Variants in CPEB3 observed in about 807,000 individuals in gnomAD.
CPEB3 encodes cytoplasmic polyadenylation element-binding protein 3.
Under a neutral mutation model 67.2 loss-of-function variants are expected in CPEB3, and 20 were observed. The ratio of observed to expected loss-of-function variants is 0.30; its 90% CI spans 0.21 to 0.43. CPEB3 has a LOEUF of 0.43. Ranked by LOEUF, CPEB3 falls within the 20% of genes least tolerant of loss-of-function variation. The pLI is 1.00. For missense variants in CPEB3, 746 were observed against 968.6 expected, an observed-to-expected ratio of 0.77 and a Z score of 3.05; for synonymous variants, 376 against 393.1, an observed-to-expected ratio of 0.96 and a Z score of 0.51.
At chr10:92,220,891 A>G (rs2134442510) in intron 2 of CPEB3, among the ~76,000 whole-genome samples, 1 of 152,312 alleles carries the variant, frequency 6.6e-6, no homozygotes, top group Middle Eastern at 3.4e-3. Flanking sequence ...ATAATCTACA[A>G]GTCTAGCATG....
intron 6 of CPEB3, among the ~76,000 whole-genome samples, chr10:92,126,766 T>A (rs1482967169): frequency 1.3e-5 from 2 of 152,220 alleles, no homozygotes; most frequent in Non-Finnish European, 2.9e-5. Context: ...TATAAACTAT[T>A]GGTCTGTCAG....
intron 1 of CPEB3, among the ~76,000 whole-genome samples, chr10:92,240,686 T>G (rs1851804666): frequency 6.6e-6 from 1 of 152,148 alleles, no homozygotes; most frequent in Non-Finnish European, 1.5e-5. Flanking sequence ...TCACCGGAAC[T>G]CAGAGCGTTC....
In CPEB3 at chr10:92,048,037, C is replaced by G. The variant is rs1443230657; in HGVS notation, c.*4175G>C. On this transcript the variant is annotated 3_prime_UTR_variant, in exon 10 of 10. Transcript: ENST00000265997. This position sits in a 1 kb window ranked among gnomAD's most constrained non-coding sequence, Gnocchi z 4.1. ...AGCAGCAGCAGAAAGGCAGACAGATCATGCACGCAGTTGCCACAATGAAAG... is the reference window on the plus strand; with the variant it reads ...AGCAGCAGCAGAAAGGCAGACAGATGATGCACGCAGTTGCCACAATGAAAG... 4 of 152,368 alleles carry G rather than the reference C, an allele frequency of 2.6e-5. No homozygotes were observed. The East Asian group carries it at 7.7e-4, about 29-fold the overall frequency. 9.4% of individuals were successfully genotyped at this position (152,368 alleles called of 1,614,324 possible). A position where few individuals can be genotyped will look rare whatever the true frequency, so the allele number is the denominator to read the frequency against.
chr10:92,274,450 C>A (rs1841886085), intron 1 of CPEB3, among the ~76,000 whole-genome samples: 1 of 152,170 alleles, frequency 6.6e-6, no homozygotes, highest in Non-Finnish European at 1.5e-5. Context: ...TGAATACAAG[C>A]TCTACAAGGG....
chr10:92,144,443 T>C (rs1421064869), intron 5 of CPEB3, among the ~76,000 whole-genome samples: 1 of 152,004 alleles, frequency 6.6e-6, no homozygotes, highest in African/African-American at 2.4e-5. Flanking sequence ...GCTAATCTTG[T>C]TTTGTAGAGA....
chr10:92,198,507 G>A (rs908783333), intron 2 of CPEB3, among the ~76,000 whole-genome samples: 2 of 152,168 alleles, frequency 1.3e-5, no homozygotes, highest in Non-Finnish European at 2.9e-5. Flanking sequence ...TTTCTTGGAA[G>A]AGGAATCCAG....
At chr10:92,285,801 CTT>C (rs915886054) in intron 1 of CPEB3, among the ~76,000 whole-genome samples, 3 of 152,196 alleles carry the variant, frequency 2.0e-5, no homozygotes, top group Non-Finnish European at 2.9e-5. Context: ...ACAAAGCTCT[CTT>C]TAACACACCA....
intron 2 of CPEB3, among the ~76,000 whole-genome samples, chr10:92,194,466 G>A (rs1849134468): frequency 6.6e-6 from 1 of 151,852 alleles, no homozygotes; most frequent in Admixed American, 6.6e-5. Flanking sequence ...TGTGTTCTAA[G>A]TTGTATTCAT....
chr10:92,278,161 G>A lies in CPEB3; in HGVS notation c.-12+12765C>T, dbSNP rs541452808. ...GATTGCGCCACTGCACTCCAGCCTG[G>A]GCGACAGAGCAAGGCTCCATCTCAA... On this transcript the variant is annotated intron_variant, in intron 1 of 9. Transcript: ENST00000265997. Among the ~76,000 whole-genome samples the A allele has an allele frequency of 9.2e-5, 14 of 151,958 alleles. No individual in the cohort carries two copies. The South Asian group carries it at 2.7e-3, about 29-fold the overall frequency.
intron 2 of CPEB3, among the ~76,000 whole-genome samples, chr10:92,209,170 T>A (rs1849945329): frequency 6.6e-6 from 1 of 152,186 alleles, no homozygotes; most frequent in Admixed American, 6.5e-5. Flanking sequence ...ATAAAGCTGT[T>A]ATTTAAAAAA....
intron 4 of CPEB3, among the ~76,000 whole-genome samples, chr10:92,155,446 T>C (rs186333475): frequency 2.2e-4 from 34 of 152,320 alleles, no homozygotes; most frequent in Admixed American, 1.6e-3. Flanking sequence ...AAGTATACTA[T>C]GCAGAGTTGG....
At chr10:92,136,173 A>C (rs1488759329) in intron 6 of CPEB3, among the ~76,000 whole-genome samples, 1 of 151,938 alleles carries the variant, frequency 6.6e-6, no homozygotes, top group African/African-American at 2.4e-5. Context: ...TAAAAAAAAA[A>C]CTTCAAATTA....
rs754423428 is a variant in CPEB3 at position 92,217,248 on chromosome 10, T to TACAC, written c.1005+22094_1005+22097dup. Among the ~76,000 whole-genome samples the TACAC allele has an allele frequency of 2.4e-3, 308 of 127,268 alleles. 1 individual carries two copies. Among genetic ancestry groups the TACAC allele is most frequent in the African/African-American group, 6.1e-3 (193 of 31,562 alleles). 83.5% of individuals were successfully genotyped at this position (127,268 alleles called of 152,430 possible). The stretch of plus-strand genomic sequence containing the variant: ...AAAAAAAAAAAATTATATATATATA[T>TACAC]ACACACACACACACACACACACACA... On this transcript the variant is annotated intron_variant, in intron 2 of 9. Coordinates refer to ENST00000265997, the MANE Select transcript of CPEB3 (RefSeq NM_014912.5).
intron 4 of CPEB3, among the ~76,000 whole-genome samples, chr10:92,176,328 T>C (rs920141215): frequency 2.7e-4 from 41 of 152,224 alleles, no homozygotes; most frequent in Admixed American, 5.9e-4. Flanking sequence ...AAAATATATA[T>C]ATAACCACTT....
At chr10:92,270,314 A>G (rs1270182124) in intron 1 of CPEB3, among the ~76,000 whole-genome samples, 1 of 152,214 alleles carries the variant, frequency 6.6e-6, no homozygotes, top group Non-Finnish European at 1.5e-5. Context: ...GAGTAACGTC[A>G]GCCTTAAAGA....
At position 92,205,470 on chromosome 10, in the gene CPEB3, CTTT is replaced by C. The variant is rs34029695; in HGVS notation, c.1006-12837_1006-12835del. 8.2e-3 allele frequency among the ~76,000 whole-genome samples: 744 copies of C among 90,962 alleles called. 13 individuals are homozygous for C. The Admixed American group carries it at 0.093, about 11-fold the overall frequency. The allele number at this position is 90,962 out of a possible 152,430, so 59.7% of individuals were successfully genotyped here. On this transcript the variant is annotated intron_variant, in intron 2 of 9. Coordinates refer to ENST00000265997, the MANE Select transcript of CPEB3 (RefSeq NM_014912.5). The stretch of plus-strand genomic sequence containing the variant: ...AGGAAACTAAATATTAAATTCAGTC[CTTT>C]TTTTTTTTTTTTTTTTTTTTTGAGA...
At chr10:92,082,721 C>T (rs1843206915) in intron 8 of CPEB3, among the ~76,000 whole-genome samples, 1 of 152,142 alleles carries the variant, frequency 6.6e-6, no homozygotes, top group African/African-American at 2.4e-5. Context: ...TATGACCATT[C>T]CTTTTAGGCT....
intron 6 of CPEB3, among the ~76,000 whole-genome samples, chr10:92,113,669 C>A (rs983888296): frequency 6.6e-6 from 1 of 152,186 alleles, no homozygotes; most frequent in Non-Finnish European, 1.5e-5. Context: ...CTCCATTTTT[C>A]CTTCACATCA....
chr10:92,289,718 C>CAAAAAAAAAAAAAAAAAA lies in CPEB3; in HGVS notation c.-12+1207_-12+1208insTTTTTTTTTTTTTTTTTT, dbSNP rs749285662. On this transcript the variant is annotated intron_variant, in intron 1 of 9. Transcript: ENST00000265997. ...CAACATGGCGAGACCGCGTCTCTACCAAAAAAAAAAAAAAATATATATATA... is the reference window on the plus strand; with the variant it reads ...CAACATGGCGAGACCGCGTCTCTACCAAAAAAAAAAAAAAAAAAAAAAAAAAAAAAAAATATATATATA... 4.1e-3 allele frequency among the ~76,000 whole-genome samples: 126 copies of CAAAAAAAAAAAAAAAAAA among 30,916 alleles called. 13 individuals carry two copies. Among genetic ancestry groups the CAAAAAAAAAAAAAAAAAA allele is most frequent in the Middle Eastern group, 0.028 (1 of 36 alleles). 20.3% of individuals were successfully genotyped at this position (30,916 alleles called of 152,430 possible).
Sources: allele counts gnomAD v4.1 joint callset (sites outside exome capture counted in the v4.1 genomes callset), GRCh38; gene constraint gnomAD v4.1.1; non-coding constraint Gnocchi (gnomAD v3.1); transcripts MANE v1.5; gene names NCBI Gene and HGNC (gene_info 2026-07-23, HGNC 2026-07-21).